ZNF521: variants seen among roughly 807,000 people sequenced by gnomAD.
ZNF521 encodes the protein LYST-interacting protein 3.
ZNF521 carries 14 observed loss-of-function variants against 105.5 expected under a neutral mutation model. The observed-to-expected ratio is 0.13, with a 90% CI of 0.09 to 0.21. ZNF521 has a LOEUF of 0.21. ZNF521 is among the 10% of genes least tolerant of loss of function. The pLI, the probability that ZNF521 is intolerant of heterozygous loss-of-function variation, is 1.00. For missense variants in ZNF521, 1,233 were observed against 1,629.7 expected (o/e 0.76, Z 4.19); for synonymous variants, 635 against 606.0 (o/e 1.05, Z -0.70).
At chr18:25,253,489 A>C (rs974469706) in intron 3 of ZNF521, among the ~76,000 whole-genome samples, 3 of 152,190 alleles carry the variant, frequency 2.0e-5, no homozygotes, top group Non-Finnish European at 4.4e-5. Context: ...CCTTCTATGT[A>C]GCAAACTTGA....
chr18:25,343,429 GT>G (rs1363973194), intron 2 of ZNF521, among the ~76,000 whole-genome samples: 4 of 152,102 alleles, frequency 2.6e-5, no homozygotes, highest in Non-Finnish European at 5.9e-5. Context: ...ATGTTTCCGT[GT>G]ATATAGACTA....
At chr18:25,228,295 A>T (rs997604620) in intron 3 of ZNF521, among the ~76,000 whole-genome samples, 1 of 152,256 alleles carries the variant, frequency 6.6e-6, no homozygotes, top group Non-Finnish European at 1.5e-5. Context: ...AGCACATGAA[A>T]GAAGACAGAA....
intron 5 of ZNF521, among the ~76,000 whole-genome samples, chr18:25,188,254 G>A (rs2035759919): frequency 6.6e-6 from 1 of 152,106 alleles, no homozygotes; most frequent in Admixed American, 6.5e-5. Context: ...GCTGTCATAG[G>A]CATAATTCTA....
chr18:25,324,419 A>G (rs1349871488), intron 2 of ZNF521, among the ~76,000 whole-genome samples: 1 of 152,062 alleles, frequency 6.6e-6, no homozygotes, highest in Admixed American at 6.6e-5. Context: ...AAAAATGGCA[A>G]TGATTCAAAG....
intron 4 of ZNF521, among the ~76,000 whole-genome samples, chr18:25,198,700 A>C (rs188393863): frequency 0.011 from 1,632 of 151,988 alleles, 24 homozygotes; most frequent in Non-Finnish European, 0.013. Flanking sequence ...GGTCAGAAGC[A>C]CCTTGCTTTT....
At chr18:25,293,815 A>T (rs1158915045) in intron 3 of ZNF521, among the ~76,000 whole-genome samples, 1 of 152,224 alleles carries the variant, frequency 6.6e-6, no homozygotes, top group Admixed American at 6.5e-5. Flanking sequence ...CTACCAGAGG[A>T]TATTTTATGA....
At chr18:25,280,123 A>G (rs1910272123) in intron 3 of ZNF521, among the ~76,000 whole-genome samples, 1 of 152,198 alleles carries the variant, frequency 6.6e-6, no homozygotes, top group African/African-American at 2.4e-5. Context: ...CTCTACAGTC[A>G]CCACCCAAAC....
At chr18:25,195,362 A>C in intron 4 of ZNF521, 118 bp from the exon 5 acceptor site, 1 of 764,402 alleles carries the variant, frequency 1.3e-6, no homozygotes, top group Non-Finnish European at 2.0e-6. Context: ...AACAAACTAA[A>C]CTACAGGGCC....
At chr18:25,250,622 G>A (rs1181593398) in intron 3 of ZNF521, among the ~76,000 whole-genome samples, 2 of 152,170 alleles carry the variant, frequency 1.3e-5, no homozygotes, top group African/African-American at 2.4e-5. Context: ...GCTGCCAAAT[G>A]TGTTATCTTC....
At chr18:25,116,949 A>G (rs750804885) in intron 5 of ZNF521, among the ~76,000 whole-genome samples, 11 of 134,180 alleles carry the variant, frequency 8.2e-5, no homozygotes, top group South Asian at 2.5e-4. Context: ...ATATACACAT[A>G]TATATGTATA....
At chr18:25,254,573 G>A (rs1415245092) in intron 3 of ZNF521, among the ~76,000 whole-genome samples, 3 of 152,096 alleles carry the variant, frequency 2.0e-5, no homozygotes, top group Non-Finnish European at 4.4e-5. Context: ...TAATTTACTA[G>A]ATCAAGGTAG....
At chr18:25,330,326 G>T (rs1038558508) in intron 2 of ZNF521, among the ~76,000 whole-genome samples, 1 of 152,060 alleles carries the variant, frequency 6.6e-6, no homozygotes, top group African/African-American at 2.4e-5. Context: ...ACCATGCCCA[G>T]CTAATTTTTA....
At chr18:25,216,439 A>G (rs1905328118) in intron 4 of ZNF521, among the ~76,000 whole-genome samples, 1 of 152,250 alleles carries the variant, frequency 6.6e-6, no homozygotes, top group Admixed American at 6.5e-5. Context: ...CTGAAAATAA[A>G]GTATACACCA....
chr18:25,273,120 C>T (rs1409841912), intron 3 of ZNF521, among the ~76,000 whole-genome samples: 5 of 140,590 alleles, frequency 3.6e-5, no homozygotes, highest in South Asian at 4.8e-4. Context: ...CCAGCTACTT[C>T]GGGGGCTAAG....
At chr18:25,343,461 T>C in intron 2 of ZNF521, among the ~76,000 whole-genome samples, 1 of 152,240 alleles carries the variant, frequency 6.6e-6, no homozygotes, top group Non-Finnish European at 1.5e-5. Context: ...TGTCACAATA[T>C]GTTGTGATAA....
Position 25,341,743 on chromosome 18 carries a change from C to T in ZNF521, c.40+9164G>A, listed in dbSNP as rs1914211461. On this transcript the variant is annotated intron_variant, in intron 2 of 7. Transcript: ENST00000361524. ...CAACTCACAGAAAAAGTTAACATAC[C>T]ATACACACGTACGTCCTTCTCCTCA... Among the ~76,000 whole-genome samples the T allele has an allele frequency of 3.9e-5, 6 of 152,232 alleles. No homozygotes were observed. The South Asian group carries it at 1.2e-3, about 32-fold the overall frequency.
intron 3 of ZNF521, among the ~76,000 whole-genome samples, chr18:25,305,183 G>C (rs1911903925): frequency 6.6e-6 from 1 of 152,110 alleles, no homozygotes; most frequent in Admixed American, 6.5e-5. Flanking sequence ...CTGATCACCT[G>C]AACATCTATT....
At chr18:25,324,219 G>GA (rs955352386) in intron 2 of ZNF521, among the ~76,000 whole-genome samples, 12 of 151,920 alleles carry the variant, frequency 7.9e-5, no homozygotes, top group Middle Eastern at 3.2e-3. Context: ...AACGGAAGGA[G>GA]AAAAAAATAG....
Position 25,062,422 on chromosome 18 carries a change from C to CTTT in ZNF521, c.*287_*289dup. 3.3e-6 allele frequency: 1 copy of CTTT among 303,922 alleles called. No homozygotes were observed. Among genetic ancestry groups the CTTT allele is most frequent in the Middle Eastern group, 9.1e-4 (1 of 1,102 alleles). The allele number at this position is 303,922 out of a possible 1,614,324, so 18.8% of individuals were successfully genotyped here. On this transcript the variant is annotated 3_prime_UTR_variant, in exon 8 of 8. Coordinates refer to ENST00000361524, the MANE Select transcript of ZNF521 (RefSeq NM_015461.3). ...TATCTTAAGCCATTTTGGTCATAGTCTTTTTTTTTTTTTAATCTTGCCTGA... is the reference window on the plus strand; with the variant it reads ...TATCTTAAGCCATTTTGGTCATAGTCTTTTTTTTTTTTTTTTAATCTTGCCTGA...
Sources: allele counts gnomAD v4.1 joint callset (sites outside exome capture counted in the v4.1 genomes callset), GRCh38; gene constraint gnomAD v4.1.1; transcripts MANE v1.5; gene names NCBI Gene and HGNC (gene_info 2026-07-23, HGNC 2026-07-21).